Variants in HPSE2 observed in about 807,000 individuals in gnomAD.
HPSE2 encodes inactive heparanase-2.
In HPSE2, 38 loss-of-function variants were observed where a neutral mutation model predicts 60.5. The observed-to-expected ratio is 0.63, with a 90% CI of 0.48 to 0.82. HPSE2 has a LOEUF of 0.82. Among genes scored for constraint, HPSE2 ranks in the 40% least tolerant of loss-of-function variants. The probability of loss-of-function intolerance (pLI) is 0.00; values close to 1 mark genes in which losing one functional copy is unlikely to be tolerated. For synonymous variants in HPSE2, 295 were observed against 293.2 expected (o/e 1.01, Z -0.06); for missense variants, 713 against 740.4 (o/e 0.96, Z 0.43).
intron 3 of HPSE2, among the ~76,000 whole-genome samples, chr10:98,828,942 G>A (rs1484192030): frequency 6.6e-6 from 1 of 151,532 alleles, no homozygotes; most frequent in Non-Finnish European, 1.5e-5. Context: ...CTAAAAGGTA[G>A]AAGAAACCCA....
At chr10:98,966,019 T>A (rs1000766442) in intron 3 of HPSE2, among the ~76,000 whole-genome samples, 5 of 151,962 alleles carry the variant, frequency 3.3e-5, no homozygotes, top group Non-Finnish European at 5.9e-5. Flanking sequence ...GCCTCCTGAG[T>A]AGCTGGGGTT....
chr10:98,512,446 G>T (rs941573529), intron 9 of HPSE2, among the ~76,000 whole-genome samples: 1 of 152,124 alleles, frequency 6.6e-6, no homozygotes, highest in East Asian at 1.9e-4. Flanking sequence ...TTAGCCGGGC[G>T]TGGTAGCGGG....
intron 6 of HPSE2, among the ~76,000 whole-genome samples, chr10:98,670,952 A>T (rs1947491198): frequency 6.6e-6 from 1 of 152,176 alleles, no homozygotes; most frequent in African/African-American, 2.4e-5. Flanking sequence ...TCCTTCTACA[A>T]CTTGGTGTCT....
chr10:99,134,268 G>A (rs138598665), intron 3 of HPSE2, among the ~76,000 whole-genome samples: 49 of 152,294 alleles, frequency 3.2e-4, no homozygotes, highest in African/African-American at 1.2e-3. Flanking sequence ...AAGCGATGAG[G>A]AGAATGGAGC....
Position 98,482,775 on chromosome 10 carries a change from A to G in HPSE2, c.1474T>C (p.Tyr492His). 6.2e-7 allele frequency: 1 copy of G among 1,614,178 alleles called. No homozygotes were observed. Among genetic ancestry groups the G allele is most frequent in the Non-Finnish European group, 8.5e-7 (1 of 1,179,982 alleles). The change falls in exon 11 of 12, where the codon TAC becomes CAC. Residue 492 changes from tyrosine to histidine, a missense_variant. Tyr to His is a moderately conservative substitution (Grantham distance 83). Transcript: ENST00000370552. ...AAAAGTGTAATGGACCCACGAACGT[A>G]GTTGTGGCTGAGATCCAGAGAAAGA... ...AHCTNHHNHN[Y>H]VRGSITLFII...
chr10:98,788,515 T>C (rs1018882135), intron 3 of HPSE2, among the ~76,000 whole-genome samples: 3 of 150,610 alleles, frequency 2.0e-5, no homozygotes, highest in African/African-American at 4.9e-5. Flanking sequence ...TAAGCAAGCC[T>C]GGGCAATGGC....
chr10:98,974,309 G>T (rs1023453222), intron 3 of HPSE2, among the ~76,000 whole-genome samples: 1 of 149,322 alleles, frequency 6.7e-6, no homozygotes, highest in African/African-American at 2.4e-5. Flanking sequence ...AGAAAAGAAA[G>T]AAAGATTTGT....
intron 6 of HPSE2, among the ~76,000 whole-genome samples, chr10:98,654,080 C>T (rs1303038818): frequency 1.3e-5 from 2 of 151,852 alleles, no homozygotes; most frequent in African/African-American, 2.4e-5. Flanking sequence ...TATCAATGCA[C>T]TTCATTGCCT....
intron 3 of HPSE2, among the ~76,000 whole-genome samples, chr10:98,860,773 A>G (rs1952439818): frequency 1.3e-5 from 2 of 152,154 alleles, no homozygotes. Flanking sequence ...ATTTTTTCAT[A>G]AAGCCTTTTT....
chr10:99,005,854 G>T (rs562592056), intron 3 of HPSE2, among the ~76,000 whole-genome samples: 1 of 152,208 alleles, frequency 6.6e-6, no homozygotes, highest in East Asian at 1.9e-4. Context: ...TGAGTAAGTT[G>T]TCTGGCATTC....
chr10:99,195,209 T>C (rs900777876), intron 2 of HPSE2, among the ~76,000 whole-genome samples: 3 of 152,010 alleles, frequency 2.0e-5, no homozygotes, highest in African/African-American at 7.2e-5. Flanking sequence ...AATAACTAGG[T>C]ATATAAGGAA....
At chr10:99,293,026 C>T in the HPSE2 span, among the ~76,000 whole-genome samples, 50 of 152,240 alleles carry the variant, frequency 3.3e-4, no homozygotes, top group African/African-American at 1.1e-3. Flanking sequence ...ATAATCTCTA[C>T]TTTGCTGGCT....
At chr10:99,246,903 T>C in the HPSE2 span, among the ~76,000 whole-genome samples, 4 of 152,250 alleles carry the variant, frequency 2.6e-5, no homozygotes, top group Non-Finnish European at 5.9e-5. Context: ...GGTTGCCTGC[T>C]GTAGAAATGC....
chr10:99,109,859 T>C (rs1844391914), intron 3 of HPSE2, among the ~76,000 whole-genome samples: 2 of 152,166 alleles, frequency 1.3e-5, no homozygotes, highest in Non-Finnish European at 2.9e-5. Context: ...ATGTTTAATA[T>C]GAGTCGGGTT....
At chr10:99,259,726 G>C in the HPSE2 span, among the ~76,000 whole-genome samples, 3 of 152,206 alleles carry the variant, frequency 2.0e-5, no homozygotes, top group Admixed American at 2.0e-4. Context: ...ATCAGTATGG[G>C]TCTGTGGCCT....
Position 98,673,642 on chromosome 10 carries a change from C to T in HPSE2, c.1004+20258G>A, listed in dbSNP as rs569134918. On this transcript the variant is annotated intron_variant, in intron 6 of 11. Coordinates refer to ENST00000370552, the MANE Select transcript of HPSE2 (RefSeq NM_021828.5). ...CTTTGGACCAGGTGTTTATACTCAGCCTGTCTGTCTGGGTAAATGCTTTCA... is the reference window on the plus strand; with the variant it reads ...CTTTGGACCAGGTGTTTATACTCAGTCTGTCTGTCTGGGTAAATGCTTTCA... Among the ~76,000 whole-genome samples the T allele has an allele frequency of 3.9e-5, 6 of 152,284 alleles. No homozygotes were observed. In the East Asian group the frequency reaches 1.2e-3, roughly 29 times the overall value.
rs554061097 is a variant in HPSE2 at position 98,643,334 on chromosome 10, G to A, written c.1005-1394C>T. 2.0e-5 allele frequency among the ~76,000 whole-genome samples: 3 copies of A among 152,134 alleles called. No individual in the cohort carries two copies. The South Asian group carries it at 6.2e-4, about 32-fold the overall frequency. On this transcript the variant is annotated intron_variant, in intron 6 of 11. Transcript: ENST00000370552. ...ATGTAAAGTTCCTGGCATACAGTAG[G>A]GACTGAACAACTTTTAGTTCTTCCT... is the stretch of plus-strand genomic sequence containing the variant.
chr10:98,735,460 GT>G (rs1386855240), intron 4 of HPSE2, among the ~76,000 whole-genome samples: 1 of 151,526 alleles, frequency 6.6e-6, no homozygotes, highest in Non-Finnish European at 1.5e-5. Context: ...GAGAAGTGGG[GT>G]TGAAGCCCCC....
intron 2 of HPSE2, among the ~76,000 whole-genome samples, chr10:99,167,682 TCTTA>T (rs1438502785): frequency 3.3e-5 from 5 of 152,228 alleles, no homozygotes; most frequent in African/African-American, 1.2e-4. Context: ...TATTGTCTTG[TCTTA>T]CTTTTATAAA....
Sources: gnomAD v4.1 joint callset for allele counts (sites outside exome capture counted in the v4.1 genomes callset) on GRCh38, gnomAD v4.1.1 for gene constraint, MANE v1.5 for transcripts, NCBI Gene and HGNC (gene_info 2026-07-23, HGNC 2026-07-21) for gene names.